The following ME3 variants were observed in gnomAD, a reference collection of about 807,000 sequenced individuals.
ME3 encodes NADP-dependent malic enzyme, mitochondrial.
In ME3, 48 loss-of-function variants were observed where a neutral mutation model predicts 68.9. That is an observed-to-expected ratio of 0.70 (90% CI 0.55 to 0.89). The LOEUF (loss-of-function observed/expected upper bound fraction) is 0.89. Among genes scored for constraint, ME3 ranks in the 40% least tolerant of loss-of-function variants. The pLI is 0.00. For synonymous variants in ME3, 320 were observed against 318.8 expected (o/e 1.00, Z -0.04); for missense variants, 675 against 797.4 (o/e 0.85, Z 1.85).
intron 2 of ME3, among the ~76,000 whole-genome samples, chr11:86,652,740 A>G (rs1398855777): frequency 6.6e-6 from 1 of 152,140 alleles, no homozygotes; most frequent in Non-Finnish European, 1.5e-5. Flanking sequence ...ATTCACACAT[A>G]ACAATATCAA....
chr11:86,672,058 G>C, intron 1 of ME3, 100 bp from the exon 2 acceptor site: 6 of 950,444 alleles, frequency 6.3e-6, no homozygotes, highest in Non-Finnish European at 8.5e-6. Flanking sequence ...GCGCCCTCTG[G>C]GAGAGGGCAG....
chr11:86,616,208 T>A (rs1942947105), intron 2 of ME3, among the ~76,000 whole-genome samples: 1 of 152,256 alleles, frequency 6.6e-6, no homozygotes, highest in Non-Finnish European at 1.5e-5. Context: ...TAACTATTCC[T>A]TTGTTAGGCA....
chr11:86,483,113 C>T (rs996128352), intron 7 of ME3, among the ~76,000 whole-genome samples: 1 of 152,194 alleles, frequency 6.6e-6, no homozygotes, highest in Non-Finnish European at 1.5e-5. Context: ...GTAACAATTC[C>T]TTTGATCCCT....
chr11:86,469,773 T>C (rs1459410096), intron 7 of ME3, among the ~76,000 whole-genome samples: 2 of 152,114 alleles, frequency 1.3e-5, no homozygotes, highest in South Asian at 4.2e-4. Context: ...GGAAATGGCC[T>C]TGGAGTGGCC....
chr11:86,661,130 G>A (rs1288972003), intron 2 of ME3, among the ~76,000 whole-genome samples: 1 of 152,202 alleles, frequency 6.6e-6, no homozygotes, highest in Non-Finnish European at 1.5e-5. Context: ...ACAGTCTCCT[G>A]GATCTGAAGA....
chr11:86,481,620 G>A (rs1156687410), intron 7 of ME3, among the ~76,000 whole-genome samples: 1 of 152,120 alleles, frequency 6.6e-6, no homozygotes, highest in Non-Finnish European at 1.5e-5. Context: ...GCATATTCCT[G>A]CATGTTTTTG....
At chr11:86,449,025 TG>T (rs1188116490) in intron 10 of ME3, among the ~76,000 whole-genome samples, 3 of 152,128 alleles carry the variant, frequency 2.0e-5, no homozygotes, top group Admixed American at 6.5e-5. Flanking sequence ...TAGGGGTGGG[TG>T]GGAAGAGGAA....
At chr11:86,626,696 G>A (rs904915136) in intron 2 of ME3, among the ~76,000 whole-genome samples, 3 of 152,144 alleles carry the variant, frequency 2.0e-5, no homozygotes, top group Admixed American at 2.0e-4. Flanking sequence ...AAACTTTGTT[G>A]CATTTTCTTT....
At chr11:86,621,532 G>A (rs370476246) in intron 2 of ME3, among the ~76,000 whole-genome samples, 5 of 152,026 alleles carry the variant, frequency 3.3e-5, no homozygotes, top group Non-Finnish European at 7.4e-5. Flanking sequence ...TTTTTCTAAA[G>A]TTAAATCAGG....
chr11:86,629,285 T>C (rs1313035345), intron 2 of ME3, among the ~76,000 whole-genome samples: 1 of 152,218 alleles, frequency 6.6e-6, no homozygotes, highest in African/African-American at 2.4e-5. Context: ...GGCATGGCTT[T>C]GTCTGTGAGG....
intron 8 of ME3, among the ~76,000 whole-genome samples, chr11:86,458,041 G>T (rs1047604905): frequency 1.3e-5 from 2 of 152,194 alleles, no homozygotes; most frequent in Non-Finnish European, 2.9e-5. Flanking sequence ...CTCTGTCAGG[G>T]TCTGGCCACG....
rs140092983 is a variant in ME3 at position 86,519,888 on chromosome 11, A to G, written c.468-11021T>C. Among the ~76,000 whole-genome samples, 330 of 152,284 alleles carry G rather than the reference A, an allele frequency of 2.2e-3. 3 individuals carry two copies. Among genetic ancestry groups the G allele is most frequent in the African/African-American group, 7.7e-3 (322 of 41,554 alleles). On this transcript the variant is annotated intron_variant, in intron 4 of 14. Coordinates refer to ENST00000543262, the Ensembl canonical transcript of ME3. ...GAAGAGCTTTAAAATCACACTTTCC[A>G]CTGCTTTCTGTGGAACGTCCTCAGG...
chr11:86,525,112 A>G (rs1000082688), intron 4 of ME3, among the ~76,000 whole-genome samples: 1 of 152,230 alleles, frequency 6.6e-6, no homozygotes, highest in Non-Finnish European at 1.5e-5. Flanking sequence ...ACAGTCAGAC[A>G]GACTTAGACC....
rs554815531 is a variant in ME3 at position 86,607,982 on chromosome 11, G to GT, written c.184-48160dup. 3.3e-3 allele frequency among the ~76,000 whole-genome samples: 503 copies of GT among 152,170 alleles called. 2 individuals carry two copies. Among genetic ancestry groups the GT allele is most frequent in the African/African-American group, 0.011 (455 of 41,524 alleles). ...CCTGGGTGCCAGAAGTACCTATGAG[G>GT]TATTTCCCACATGCTTGGCACCAGG... On this transcript the variant is annotated intron_variant, in intron 2 of 14. Coordinates refer to ENST00000543262, the Ensembl canonical transcript of ME3.
intron 4 of ME3, among the ~76,000 whole-genome samples, chr11:86,515,960 G>A (rs1024196050): frequency 2.6e-5 from 4 of 152,104 alleles, no homozygotes; most frequent in Admixed American, 6.5e-5. Flanking sequence ...TAGGCTGCCC[G>A]GGGATCCCAA....
intron 2 of ME3, among the ~76,000 whole-genome samples, chr11:86,623,409 A>G (rs1943469414): frequency 1.3e-5 from 2 of 152,200 alleles, no homozygotes; most frequent in African/African-American, 4.8e-5. Context: ...TGCAGATGGT[A>G]TGTTTTGCAT....
At chr11:86,479,846 ACT>A (rs1951292886) in intron 7 of ME3, among the ~76,000 whole-genome samples, 1 of 149,360 alleles carries the variant, frequency 6.7e-6, no homozygotes, top group Non-Finnish European at 1.5e-5. Context: ...ATGGAATCTC[ACT>A]CTGTCGCCCA....
At chr11:86,446,270 A>C (rs780446695) in intron 13 of ME3, 44 bp downstream of exon 13, 40 of 1,604,210 alleles carry the variant, frequency 2.5e-5, no homozygotes, top group Non-Finnish European at 8.5e-7. Flanking sequence ...GTGTCAACCC[A>C]CAGACCCTAC....
intron 4 of ME3, among the ~76,000 whole-genome samples, chr11:86,515,312 C>A (rs1420419312): frequency 6.6e-6 from 1 of 152,140 alleles, no homozygotes; most frequent in Non-Finnish European, 1.5e-5. Context: ...CCTTTATGTA[C>A]ATTGTCATAA....
Sources: allele counts gnomAD v4.1 joint callset (sites outside exome capture counted in the v4.1 genomes callset), GRCh38; gene constraint gnomAD v4.1.1; transcripts MANE v1.5; gene names NCBI Gene and HGNC (gene_info 2026-07-23, HGNC 2026-07-21).